The following RNF220 variants were observed in gnomAD, a reference collection of about 807,000 sequenced individuals.
RNF220 encodes the protein ring finger protein 220.
A neutral mutation model predicts 67.1 loss-of-function variants in RNF220; 7 were observed. The ratio of observed to expected loss-of-function variants is 0.10; its 90% CI spans 0.06 to 0.20. The LOEUF is 0.20. RNF220 is among the 10% of genes least tolerant of loss of function. The pLI is 1.00. For missense variants in RNF220, 565 were observed against 740.3 expected (o/e 0.76, Z 2.75); for synonymous variants, 270 against 283.2 (o/e 0.95, Z 0.47).
At chr1:44,469,498 TC>T (rs760978684) in intron 2 of RNF220, among the ~76,000 whole-genome samples, 2 of 152,188 alleles carry the variant, frequency 1.3e-5, no homozygotes, top group Non-Finnish European at 2.9e-5. Context: ...CTAATACATT[TC>T]CTCTTGGGAC....
At chr1:44,451,027 C>CA (rs1196319334) in intron 2 of RNF220, among the ~76,000 whole-genome samples, 3 of 151,880 alleles carry the variant, frequency 2.0e-5, no homozygotes, top group African/African-American at 7.3e-5. Context: ...ACTAAAAATA[C>CA]AAAAAATTAG....
At chr1:44,527,675 C>A (rs1404512080) in intron 2 of RNF220, among the ~76,000 whole-genome samples, 1 of 151,646 alleles carries the variant, frequency 6.6e-6, no homozygotes, top group Non-Finnish European at 1.5e-5. Flanking sequence ...CCTGTAATCC[C>A]AGCACTTTGG....
At chr1:44,476,618 T>C (rs928397173) in intron 2 of RNF220, among the ~76,000 whole-genome samples, 3 of 152,126 alleles carry the variant, frequency 2.0e-5, no homozygotes, top group Non-Finnish European at 2.9e-5. Flanking sequence ...AGACTGTTAT[T>C]GAGACCTTGT....
At chr1:44,593,183 C>A (rs902437552) in intron 2 of RNF220, among the ~76,000 whole-genome samples, 3 of 152,306 alleles carry the variant, frequency 2.0e-5, no homozygotes, top group South Asian at 2.1e-4. Context: ...AAGCCCTTTT[C>A]CCTGTTCCAT....
intron 2 of RNF220, among the ~76,000 whole-genome samples, chr1:44,602,418 G>T (rs1666982836): frequency 6.6e-6 from 1 of 152,172 alleles, no homozygotes; most frequent in African/African-American, 2.4e-5. Flanking sequence ...AGCATCTCCA[G>T]GTTCCGGGGA....
chr1:44,556,653 G>A (rs11807223), intron 2 of RNF220, among the ~76,000 whole-genome samples: 6,986 of 151,350 alleles, frequency 0.046, 318 homozygotes, highest in East Asian at 0.17. Context: ...TCCGCCTCCC[G>A]GGTTCATGCC....
intron 2 of RNF220, among the ~76,000 whole-genome samples, chr1:44,444,770 T>G (rs937334214): frequency 6.6e-6 from 1 of 152,154 alleles, no homozygotes; most frequent in Non-Finnish European, 1.5e-5. Context: ...ATTCTGATGG[T>G]GATATACATT....
At position 44,436,343 on chromosome 1, in the gene RNF220, A is replaced by AG. The variant is rs112566681; in HGVS notation, c.625+23628dup. On this transcript the variant is annotated intron_variant, in intron 2 of 14. Transcript: ENST00000361799. ...CCTTAGTGGAAAGACAGCCAGTTTT[A>AG]GGGGGGGTAATATATTTTTCTTTTT... Among the ~76,000 whole-genome samples, 8 of 151,804 alleles carry AG rather than the reference A, an allele frequency of 5.3e-5. No individual in the cohort carries two copies. The East Asian group carries it at 5.8e-4, about 11-fold the overall frequency.
rs1557477672 is a variant in RNF220 at position 44,645,249 on chromosome 1, C to T, written c.1339C>T (p.Pro447Ser). Residue 447 changes from proline (P) to serine (S), a missense_variant, in exon 11 of 15, where the codon CCT becomes TCT. Physicochemically the swap from Pro to Ser is moderately conservative, Grantham distance 74 (BLOSUM62 -1). Coordinates refer to ENST00000361799, the MANE Select transcript of RNF220 (RefSeq NM_018150.4). This position sits in a 1 kb window ranked among gnomAD's most constrained non-coding sequence, Gnocchi z 5.0. ...NGGPPSTRIT[P>S]EFSKWASDEM... ...CGGCCCTCCCAGCACGCGCATCACA[C>T]CTGAGTTCTCTAAATGGGCCAGTGA... 6.2e-7 allele frequency: 1 copy of T among 1,614,096 alleles called. No homozygotes were observed.
At chr1:44,523,116 T>C (rs978535690) in intron 2 of RNF220, among the ~76,000 whole-genome samples, 3 of 152,196 alleles carry the variant, frequency 2.0e-5, no homozygotes, top group South Asian at 2.1e-4. Flanking sequence ...GGCTGTGGGG[T>C]TTCCGAGGAT....
chr1:44,550,978 A>G (rs1316414324), intron 2 of RNF220, among the ~76,000 whole-genome samples: 1 of 152,028 alleles, frequency 6.6e-6, no homozygotes, highest in Non-Finnish European at 1.5e-5. Context: ...GGGGATTTGG[A>G]TATCTCCTAG....
chr1:44,584,532 T>C (rs913512967), intron 2 of RNF220, among the ~76,000 whole-genome samples: 2 of 152,018 alleles, frequency 1.3e-5, no homozygotes, highest in Non-Finnish European at 1.5e-5. Context: ...GAAATAGGAG[T>C]TGGCTCCCCT....
chr1:44,474,153 T>C (rs1348190959), intron 2 of RNF220, among the ~76,000 whole-genome samples: 2 of 151,964 alleles, frequency 1.3e-5, no homozygotes, highest in African/African-American at 4.8e-5. Context: ...GGCAGGTGGA[T>C]TACCTGAGGT....
At chr1:44,456,243 A>T (rs1653162462) in intron 2 of RNF220, among the ~76,000 whole-genome samples, 1 of 152,196 alleles carries the variant, frequency 6.6e-6, no homozygotes, top group South Asian at 2.1e-4. Flanking sequence ...CAAGGGTCCA[A>T]TGTTCCTATT....
chr1:44,650,816 C>A lies in RNF220; in HGVS notation c.*41C>A. 6.3e-7 allele frequency: 1 copy of A among 1,577,440 alleles called. No individual in the cohort carries two copies. The highest frequency in any genetic ancestry group is 8.7e-7 in the Non-Finnish European group (1 of 1,150,116). ...CAGGCCTCGCCTCCAGCAGCCCCACCTGCCCCCAGCCTCTGTGACAGTGAC... is the reference window on the plus strand; with the variant it reads ...CAGGCCTCGCCTCCAGCAGCCCCACATGCCCCCAGCCTCTGTGACAGTGAC... On this transcript the variant is annotated 3_prime_UTR_variant, in exon 15 of 15. Coordinates refer to ENST00000361799, the MANE Select transcript of RNF220 (RefSeq NM_018150.4). This position sits in a 1 kb window ranked among gnomAD's most constrained non-coding sequence, Gnocchi z 4.3.
At chr1:44,620,290 A>G (rs1213987964) in intron 3 of RNF220, among the ~76,000 whole-genome samples, 2 of 152,348 alleles carry the variant, frequency 1.3e-5, no homozygotes, top group South Asian at 4.1e-4. Flanking sequence ...CAATGAGATA[A>G]CACATGTTAA....
At position 44,649,257 on chromosome 1, in the gene RNF220, A is replaced by G. The variant is rs2148518187; in HGVS notation, c.1446-404A>G. ...CCTCTAGGCGCTGGGAGAGTGGAATAGAGATGAGGGGCCTGGAGGCAGAAA... is the reference window on the plus strand; with the variant it reads ...CCTCTAGGCGCTGGGAGAGTGGAATGGAGATGAGGGGCCTGGAGGCAGAAA... On this transcript the variant is annotated intron_variant, in intron 12 of 14. Transcript: ENST00000361799. This position sits in a 1 kb window ranked among gnomAD's most constrained non-coding sequence, Gnocchi z 5.9. 1 of 260,812 alleles carries G rather than the reference A, an allele frequency of 3.8e-6. No homozygotes were observed. Among genetic ancestry groups the G allele is most frequent in the Non-Finnish European group, 7.5e-6 (1 of 133,238 alleles). The allele number at this position is 260,812 out of a possible 1,614,324, so 16.2% of individuals were successfully genotyped here.
intron 2 of RNF220, among the ~76,000 whole-genome samples, chr1:44,502,704 A>T (rs1261055770): frequency 1.3e-5 from 2 of 152,210 alleles, no homozygotes; most frequent in Admixed American, 1.3e-4. Flanking sequence ...CATACATCAC[A>T]TTTAACTTCA....
intron 2 of RNF220, among the ~76,000 whole-genome samples, chr1:44,455,953 A>G (rs1428368392): frequency 2.0e-5 from 3 of 152,156 alleles, no homozygotes; most frequent in Admixed American, 2.0e-4. Flanking sequence ...GAGGGAGTGT[A>G]AGCTTTGGGG....
Sources: gnomAD v4.1 joint callset for allele counts (sites outside exome capture counted in the v4.1 genomes callset) on GRCh38, gnomAD v4.1.1 for gene constraint, Gnocchi (gnomAD v3.1) non-coding constraint, MANE v1.5 for transcripts, NCBI Gene and HGNC (gene_info 2026-07-23, HGNC 2026-07-21) for gene names.